Variants in EIF3L observed in about 807,000 individuals in gnomAD.
The protein encoded by EIF3L is eukaryotic translation initiation factor 3 subunit L.
Under a neutral mutation model 74.6 loss-of-function variants are expected in EIF3L, and 32 were observed. The ratio of observed to expected loss-of-function variants is 0.43; its 90% confidence interval spans 0.32 to 0.58. The LOEUF is 0.58. Among genes scored for constraint, EIF3L ranks in the 20% least tolerant of loss-of-function variants. EIF3L has a pLI of 0.06. For missense variants in EIF3L, 474 were observed against 707.8 expected (o/e 0.67, Z 3.75); for synonymous variants, 256 against 254.4 (o/e 1.01, Z -0.06).
At chr22:37,861,704 A>T (rs1432760006) in intron 5 of EIF3L, among the ~76,000 whole-genome samples, 5 of 152,072 alleles carry the variant, frequency 3.3e-5, no homozygotes, top group Non-Finnish European at 2.9e-5. Context: ...AAAAGTAAAG[A>T]TTCCCTACTA....
chr22:37,852,998 G>A (rs1925308162), intron 3 of EIF3L, among the ~76,000 whole-genome samples: 1 of 152,178 alleles, frequency 6.6e-6, no homozygotes, highest in Admixed American at 6.5e-5. Flanking sequence ...GTGTTGAAGT[G>A]ACACAACACC....
chr22:37,855,284 C>G (rs1237372438), intron 3 of EIF3L, among the ~76,000 whole-genome samples: 1 of 152,144 alleles, frequency 6.6e-6, no homozygotes, highest in African/African-American at 2.4e-5. Flanking sequence ...CAGAAAACAG[C>G]AAGCAGTTAA....
intron 9 of EIF3L, 130 bp downstream of exon 9, chr22:37,874,654 G>A: frequency 8.9e-7 from 1 of 1,122,324 alleles, no homozygotes; most frequent in Non-Finnish European, 1.2e-6. Context: ...TGAAAGTTGA[G>A]ACTAAAACTG....
intron 11 of EIF3L, 185 bp from the exon 12 acceptor site, chr22:37,886,580 A>G: frequency 2.5e-6 from 1 of 393,632 alleles, no homozygotes. Context: ...AAAAAAAAAG[A>G]AAAGAAAAAC....
Position 37,849,419 on chromosome 22 carries a change from C to T in EIF3L, c.-31C>T, listed in dbSNP as rs779014496. 5.3e-5 allele frequency: 86 copies of T among 1,613,984 alleles called. No individual in the cohort carries two copies. Among genetic ancestry groups the T allele is most frequent in the Middle Eastern group, 1.6e-4 (1 of 6,082 alleles). ...GCAGGCGCGGGCCGCTCATTTCGCT[C>T]TTTCCGGCGGTGCTCGCAAGCGAGG... On this transcript the variant is annotated 5_prime_UTR_variant, in exon 1 of 13. Coordinates refer to ENST00000652021, the MANE Select transcript of EIF3L (RefSeq NM_016091.4).
At chr22:37,861,772 G>A (rs569511638) in intron 5 of EIF3L, among the ~76,000 whole-genome samples, 2 of 152,134 alleles carry the variant, frequency 1.3e-5, no homozygotes, top group South Asian at 4.1e-4. Context: ...GCCATTATGT[G>A]TACACTGCTT....
intron 3 of EIF3L, among the ~76,000 whole-genome samples, chr22:37,853,242 G>A (rs1925325847): frequency 6.6e-6 from 1 of 152,196 alleles, no homozygotes; most frequent in African/African-American, 2.4e-5. Flanking sequence ...AGCATCCTCA[G>A]TTCTTGACTC....
chr22:37,858,471 A>T, intron 4 of EIF3L: 2 of 608,684 alleles, frequency 3.3e-6, no homozygotes, highest in South Asian at 2.1e-5. Flanking sequence ...TCTGAATGAG[A>T]TCTTAATCTC....
intron 11 of EIF3L, chr22:37,879,990 A>G (rs918625157): frequency 5.9e-5 from 9 of 151,684 alleles, no homozygotes; most frequent in African/African-American, 2.2e-4. Flanking sequence ...TTTAGTAGAG[A>G]CAGGGTTTCA....
intron 7 of EIF3L, among the ~76,000 whole-genome samples, chr22:37,868,897 C>T (rs1009272522): frequency 2.6e-5 from 4 of 151,924 alleles, no homozygotes; most frequent in African/African-American, 7.3e-5. Context: ...CTGCATCGGC[C>T]TCCCAAAGTG....
At chr22:37,859,374 C>CTTTTTTTTTGTTTT (rs1925720805) in intron 5 of EIF3L, among the ~76,000 whole-genome samples, 1 of 79,162 alleles carries the variant, frequency 1.3e-5, no homozygotes, top group Non-Finnish European at 2.2e-5. Flanking sequence ...CGTGAAGTTT[C>CTTTTTTTTTGTTTT]TTTTTTTTTT....
chr22:37,886,130 C>CT (rs1384654847), intron 11 of EIF3L: 3 of 143,224 alleles, frequency 2.1e-5, no homozygotes, highest in African/African-American at 7.8e-5. Context: ...GGAGGTGGAG[C>CT]TTGCAGTGAG....
intron 3 of EIF3L, among the ~76,000 whole-genome samples, chr22:37,853,194 A>G (rs1219580680): frequency 6.6e-6 from 1 of 152,180 alleles, no homozygotes; most frequent in Non-Finnish European, 1.5e-5. Context: ...GAGGGCTAAA[A>G]TGCTACTGAT....
At chr22:37,861,752 T>C in intron 5 of EIF3L, among the ~76,000 whole-genome samples, 1 of 152,162 alleles carries the variant, frequency 6.6e-6, no homozygotes, top group South Asian at 2.1e-4. Flanking sequence ...GTGGATATGC[T>C]AAGAATCTAG....
intron 7 of EIF3L, 41 bp from the exon 8 acceptor site, chr22:37,870,135 G>T (rs745640797): frequency 1.3e-6 from 2 of 1,537,764 alleles, no homozygotes; most frequent in African/African-American, 1.4e-5. Flanking sequence ...GATCACTTTG[G>T]GCTTATACCA....
intron 9 of EIF3L, 122 bp downstream of exon 9, chr22:37,874,646 A>G (rs1411891269): frequency 2.5e-6 from 3 of 1,215,600 alleles, no homozygotes; most frequent in East Asian, 2.7e-5. Flanking sequence ...CAGGCCATTG[A>G]AAGTTGAGAC....
At chr22:37,867,196 T>C (rs1926196718) in intron 7 of EIF3L, among the ~76,000 whole-genome samples, 2 of 152,034 alleles carry the variant, frequency 1.3e-5, no homozygotes, top group South Asian at 4.1e-4. Context: ...CCCAGCTGAT[T>C]TTTAATTTGT....
At chr22:37,870,422 C>T (rs1403787029) in intron 8 of EIF3L, 75 bp downstream of exon 8, 3 of 1,430,670 alleles carry the variant, frequency 2.1e-6, no homozygotes, top group African/African-American at 1.4e-5. Context: ...GAATAGATCA[C>T]TGCAAGGAGA....
intron 7 of EIF3L, among the ~76,000 whole-genome samples, chr22:37,866,872 C>G (rs1926179826): frequency 6.6e-6 from 1 of 152,132 alleles, no homozygotes; most frequent in South Asian, 2.1e-4. Context: ...GTACCAGAAT[C>G]AGTGTACAGT....
Sources: allele counts gnomAD v4.1 joint callset (sites outside exome capture counted in the v4.1 genomes callset), GRCh38; gene constraint gnomAD v4.1.1; transcripts MANE v1.5; gene names NCBI Gene and HGNC (gene_info 2026-07-23, HGNC 2026-07-21).